FOCAD: variants seen among roughly 807,000 people sequenced by gnomAD.
FOCAD encodes the protein KIAA1797.
A neutral mutation model predicts 225.6 loss-of-function variants in FOCAD; 198 were observed. The ratio of observed to expected loss-of-function variants is 0.88; its 90% CI spans 0.78 to 0.99. The LOEUF (loss-of-function observed/expected upper bound fraction) is 0.99, where lower values mean the gene tolerates loss of function less well. FOCAD is among the 50% of genes least tolerant of loss of function. The pLI, the probability that FOCAD is intolerant of heterozygous loss-of-function variation, is 0.00. For missense variants in FOCAD, 2,713 were observed against 2,123.6 expected (o/e 1.28, Z -5.46); for synonymous variants, 897 against 755.0 (o/e 1.19, Z -3.08).
At chr9:20,811,877 A>G (rs1386485918) in intron 11 of FOCAD, among the ~76,000 whole-genome samples, 1 of 152,126 alleles carries the variant, frequency 6.6e-6, no homozygotes, top group African/African-American at 2.4e-5. Flanking sequence ...TATTAAGATT[A>G]TTAAGGAATT....
chr9:20,702,142 G>T (rs955874632), intron 1 of FOCAD, among the ~76,000 whole-genome samples: 2 of 151,954 alleles, frequency 1.3e-5, no homozygotes, highest in Non-Finnish European at 2.9e-5. Context: ...TTGTTCTGTT[G>T]CCCAGGCTGG....
At chr9:20,771,250 C>G (rs993515220) in intron 8 of FOCAD, among the ~76,000 whole-genome samples, 2 of 152,190 alleles carry the variant, frequency 1.3e-5, no homozygotes, top group African/African-American at 4.8e-5. Flanking sequence ...TAGGGCTGGG[C>G]TTGTCTTCCA....
chr9:20,932,930 A>G, intron 27 of FOCAD, 84 bp from the exon 28 acceptor site: 1 of 949,678 alleles, frequency 1.1e-6, no homozygotes, highest in Non-Finnish European at 1.7e-6. Flanking sequence ...CCAGTAAAAT[A>G]TTGAGAGTAT....
chr9:20,881,284 A>T (rs1564106590), intron 19 of FOCAD, among the ~76,000 whole-genome samples: 2 of 152,208 alleles, frequency 1.3e-5, no homozygotes, highest in African/African-American at 2.4e-5. Context: ...AAGAGGCCAT[A>T]TGTAAGTGTG....
At chr9:20,898,757 T>C (rs1027373176) in intron 21 of FOCAD, among the ~76,000 whole-genome samples, 3 of 151,976 alleles carry the variant, frequency 2.0e-5, no homozygotes, top group African/African-American at 7.2e-5. Context: ...AAGCTATGTA[T>C]TTTACCTTTT....
chr9:20,927,607 C>CT (rs1375126402), intron 26 of FOCAD, among the ~76,000 whole-genome samples: 2 of 151,786 alleles, frequency 1.3e-5, no homozygotes, highest in Admixed American at 6.6e-5. Flanking sequence ...TGAGAAAACA[C>CT]TTTTTTGTTT....
At chr9:20,908,226 A>C (rs929899510) in intron 22 of FOCAD, among the ~76,000 whole-genome samples, 1 of 152,064 alleles carries the variant, frequency 6.6e-6, no homozygotes, top group African/African-American at 2.4e-5. Flanking sequence ...TTTATGTCCC[A>C]GAGTAAGATT....
At chr9:20,688,682 G>C (rs1046335819) in intron 1 of FOCAD, among the ~76,000 whole-genome samples, 2 of 152,188 alleles carry the variant, frequency 1.3e-5, no homozygotes, top group African/African-American at 4.8e-5. Flanking sequence ...CTGTAGGAAA[G>C]ATGACCCAGT....
intron 24 of FOCAD, among the ~76,000 whole-genome samples, chr9:20,920,660 G>T (rs1436273919): frequency 6.6e-5 from 10 of 151,228 alleles, no homozygotes; most frequent in African/African-American, 9.7e-5. Context: ...CATGTCCTTT[G>T]TAGGGACATG....
intron 7 of FOCAD, 114 bp downstream of exon 7, chr9:20,765,187 C>T (rs1010751177): frequency 5.5e-5 from 47 of 847,382 alleles, no homozygotes; most frequent in Middle Eastern, 2.5e-4. Context: ...ACATGATCCT[C>T]GCTCTAGAAA....
At chr9:20,872,528 T>C (rs1829875312) in intron 18 of FOCAD, among the ~76,000 whole-genome samples, 1 of 117,938 alleles carries the variant, frequency 8.5e-6, no homozygotes, top group South Asian at 3.2e-4. Flanking sequence ...TCCCCTCCTC[T>C]TCCCCTCCCC....
chr9:20,919,460 A>T (rs1834179644), intron 24 of FOCAD, among the ~76,000 whole-genome samples: 1 of 152,180 alleles, frequency 6.6e-6, no homozygotes, highest in Non-Finnish European at 1.5e-5. Context: ...ATTGGAAAAA[A>T]CTACTTTAAA....
At chr9:20,727,749 T>C (rs1826328682) in intron 4 of FOCAD, among the ~76,000 whole-genome samples, 1 of 152,204 alleles carries the variant, frequency 6.6e-6, no homozygotes. Flanking sequence ...AATTATCTTG[T>C]TCAGGGGTCT....
Position 20,866,917 on chromosome 9 carries a change from T to TTTTTTTTTTTTAAAAA in FOCAD, c.2107-12_2107-11insTTTTTTTTTTTAAAAA. The TTTTTTTTTTTTAAAAA allele has an allele frequency of 2.6e-6, 2 of 764,972 alleles. No homozygotes were observed. Among genetic ancestry groups the TTTTTTTTTTTTAAAAA allele is most frequent in the Non-Finnish European group, 4.0e-6 (2 of 498,468 alleles). The allele number at this position is 764,972 out of a possible 1,614,324, so 47.4% of individuals were successfully genotyped here. A position where few individuals can be genotyped will look rare whatever the true frequency, so the allele number is the denominator to read the frequency against. ...TTTTTTTTTTTTTTTTTTTTTTTTT[T>TTTTTTTTTTTTAAAAA]ACCCTATCTAGGACCCAATTGTAGC... On this transcript the variant is annotated splice_polypyrimidine_tract_variant and intron_variant, in intron 17 of 43. Coordinates refer to ENST00000338382, the MANE Select transcript of FOCAD (RefSeq NM_001375567.1).
rs1321367440 is a variant in FOCAD, at chr9:20,740,245, T to A, written c.297T>A (p.His99Gln). 1 of 1,600,462 alleles carries A rather than the reference T, an allele frequency of 6.2e-7. No homozygotes were observed. The part of the protein sequence containing the change: ...LNLIPSTRNT[H>Q]GLIKAIMHLL... ...CTATATTTCTTTGCAGAAATACACATGGCTTGATAAAAGCCATTATGCACT... is the reference window on the plus strand; with the variant it reads ...CTATATTTCTTTGCAGAAATACACAAGGCTTGATAAAAGCCATTATGCACT... The change falls in exon 5 of 44, where the codon CAT becomes CAA. Residue 99 changes from histidine (H) to glutamine (Q), a missense_variant. Physicochemically the swap from His to Gln is conservative, Grantham distance 24 (BLOSUM62 0). Transcript: ENST00000338382.
At chr9:20,912,844 AT>A in intron 22 of FOCAD, 21 bp from the exon 23 acceptor site, 1 of 1,603,512 alleles carries the variant, frequency 6.2e-7, no homozygotes. Context: ...TCACATGCTG[AT>A]TTATGCTGTG....
At chr9:20,930,774 A>G (rs1835392268) in intron 27 of FOCAD, among the ~76,000 whole-genome samples, 1 of 152,180 alleles carries the variant, frequency 6.6e-6, no homozygotes, top group South Asian at 2.1e-4. Context: ...CGTCCTGTTC[A>G]CCATCACTAA....
intron 4 of FOCAD, among the ~76,000 whole-genome samples, chr9:20,735,715 A>G (rs1827101971): frequency 7.0e-6 from 1 of 142,584 alleles, no homozygotes; most frequent in Admixed American, 7.1e-5. Context: ...TTGAAACGGG[A>G]TCTCTCTATA....
intron 9 of FOCAD, 81 bp downstream of exon 9, chr9:20,778,849 C>G: frequency 1.5e-6 from 1 of 687,270 alleles, no homozygotes. Flanking sequence ...ATGTATCCTG[C>G]TATCTTGTGT....
Sources: gnomAD v4.1 joint callset for allele counts (sites outside exome capture counted in the v4.1 genomes callset) on GRCh38, gnomAD v4.1.1 for gene constraint, MANE v1.5 for transcripts, NCBI Gene and HGNC (gene_info 2026-07-23, HGNC 2026-07-21) for gene names.